The following KHDRBS2 variants were observed in gnomAD, a reference collection of about 807,000 sequenced individuals.
KHDRBS2 encodes the protein KH domain-containing, RNA-binding, signal transduction-associated protein 2.
Under a neutral mutation model 44.3 loss-of-function variants are expected in KHDRBS2, and 26 were observed. The ratio of observed to expected loss-of-function variants is 0.59; its 90% CI spans 0.43 to 0.81. The LOEUF (loss-of-function observed/expected upper bound fraction) is 0.81, where lower values mean the gene tolerates loss of function less well. KHDRBS2 is among the 40% of genes least tolerant of loss of function. KHDRBS2 has a pLI of 0.00. For missense variants in KHDRBS2, 476 were observed against 433.1 expected (o/e 1.10, Z -0.88); for synonymous variants, 194 against 151.1 (o/e 1.28, Z -2.08).
At chr6:62,240,179 A>C (rs939433939) in intron 1 of KHDRBS2, among the ~76,000 whole-genome samples, 1 of 152,082 alleles carries the variant, frequency 6.6e-6, no homozygotes, top group Non-Finnish European at 1.5e-5. Context: ...TTATAATCCA[A>C]TATTGGTTTA....
At chr6:61,723,878 C>T (rs146056979) in intron 7 of KHDRBS2, among the ~76,000 whole-genome samples, 3,765 of 152,158 alleles carry the variant, frequency 0.025, 75 homozygotes, top group Middle Eastern at 0.082. Context: ...GAGAATGGAA[C>T]GAAGTTGTAA....
chr6:62,031,443 C>G (rs1784320865), intron 3 of KHDRBS2, among the ~76,000 whole-genome samples: 1 of 152,008 alleles, frequency 6.6e-6, no homozygotes, highest in African/African-American at 2.4e-5. Context: ...AAGTGAATTC[C>G]TGAGATCCCC....
intron 4 of KHDRBS2, among the ~76,000 whole-genome samples, chr6:61,932,019 T>C (rs183110876): frequency 6.6e-6 from 1 of 152,318 alleles, no homozygotes; most frequent in Admixed American, 6.5e-5. Context: ...ATTGTAAGAA[T>C]ACAATATATA....
At chr6:61,764,609 T>G (rs942687398) in intron 6 of KHDRBS2, among the ~76,000 whole-genome samples, 1 of 152,362 alleles carries the variant, frequency 6.6e-6, no homozygotes, top group African/African-American at 2.4e-5. Flanking sequence ...GGTTTCGATT[T>G]GCATTTCTCT....
intron 1 of KHDRBS2, among the ~76,000 whole-genome samples, chr6:62,203,449 A>G (rs1441254978): frequency 6.6e-6 from 1 of 152,132 alleles, no homozygotes; most frequent in Non-Finnish European, 1.5e-5. Flanking sequence ...AAAGAGGAAT[A>G]TATAATAAAA....
At chr6:62,084,798 ACCC>A (rs1012436214) in intron 2 of KHDRBS2, among the ~76,000 whole-genome samples, 5 of 152,156 alleles carry the variant, frequency 3.3e-5, no homozygotes, top group Admixed American at 3.3e-4. Flanking sequence ...TGAGAAAAGT[ACCC>A]CCAAGAAATA....
Position 62,047,860 on chromosome 6 carries a change from A to G in KHDRBS2, c.336+18T>C. On this transcript the variant is annotated intron_variant, in intron 3 of 8. Transcript: ENST00000281156. ...TAACCTCCTGAATGTGGTAAATATT[A>G]GATTCAAAGTTCAGTACCTTAGCTT... 6.7e-7 allele frequency: 1 copy of G among 1,491,636 alleles called. No individual in the cohort carries two copies. Among genetic ancestry groups the G allele is most frequent in the Non-Finnish European group, 9.4e-7 (1 of 1,068,832 alleles). The allele number at this position is 1,491,636 out of a possible 1,614,324, so 92.4% of individuals were successfully genotyped here. A position where few individuals can be genotyped will look rare whatever the true frequency, so the allele number is the denominator to read the frequency against.
chr6:62,058,379 A>T (rs1790791904), intron 2 of KHDRBS2, among the ~76,000 whole-genome samples: 1 of 151,946 alleles, frequency 6.6e-6, no homozygotes, highest in Admixed American at 6.6e-5. Context: ...TTGGAATGTT[A>T]CTTTCACGTC....
intron 6 of KHDRBS2, among the ~76,000 whole-genome samples, chr6:61,869,170 A>G (rs551967804): frequency 6.6e-6 from 1 of 152,158 alleles, no homozygotes; most frequent in East Asian, 1.9e-4. Context: ...TGTTTTCCTG[A>G]TCAATCTCAG....
intron 4 of KHDRBS2, among the ~76,000 whole-genome samples, chr6:61,941,619 T>C (rs1186060445): frequency 6.6e-6 from 1 of 151,848 alleles, no homozygotes; most frequent in Non-Finnish European, 1.5e-5. Flanking sequence ...CAATAACTGC[T>C]CCCTAAGCCA....
At chr6:61,672,743 T>A in the KHDRBS2 span, among the ~76,000 whole-genome samples, 2 of 151,728 alleles carry the variant, frequency 1.3e-5, no homozygotes, top group Non-Finnish European at 2.9e-5. Context: ...ATTCTGGATA[T>A]TAGCCCTTTG....
rs549394364 is a variant in KHDRBS2 at position 62,073,258 on chromosome 6, A to C, written c.220-25264T>G. Among the ~76,000 whole-genome samples the C allele has an allele frequency of 2.6e-5, 4 of 151,650 alleles. No homozygotes were observed. The South Asian group carries it at 8.3e-4, about 32-fold the overall frequency. On this transcript the variant is annotated intron_variant, in intron 2 of 8. Coordinates refer to ENST00000281156, the MANE Select transcript of KHDRBS2 (RefSeq NM_152688.4). Reference sequence around the variant, plus strand: ...CTGTACATGTCATAGTTCTATACAGATTTTCTATTTTTTCTTCAGTCAGTT... The same window carrying C: ...CTGTACATGTCATAGTTCTATACAGCTTTTCTATTTTTTCTTCAGTCAGTT...
chr6:61,918,691 G>T (rs1807477536), intron 4 of KHDRBS2, among the ~76,000 whole-genome samples: 1 of 151,948 alleles, frequency 6.6e-6, no homozygotes, highest in Non-Finnish European at 1.5e-5. Flanking sequence ...GGCTGTATGG[G>T]TGCTATTCTG....
intron 2 of KHDRBS2, among the ~76,000 whole-genome samples, chr6:62,094,644 T>G (rs1186232883): frequency 6.6e-6 from 1 of 151,978 alleles, no homozygotes; most frequent in Non-Finnish European, 1.5e-5. Context: ...CCTAGGCCAA[T>G]GTCATGGAGC....
chr6:62,222,421 T>G (rs1397517564), intron 1 of KHDRBS2, among the ~76,000 whole-genome samples: 1 of 152,014 alleles, frequency 6.6e-6, no homozygotes, highest in Non-Finnish European at 1.5e-5. Flanking sequence ...TACATGGCAG[T>G]GGCAAGAGAA....
At chr6:62,022,700 T>C (rs1402384532) in intron 3 of KHDRBS2, among the ~76,000 whole-genome samples, 2 of 151,716 alleles carry the variant, frequency 1.3e-5, no homozygotes, top group East Asian at 3.9e-4. Context: ...AAACTTACCA[T>C]AAAAAACATT....
chr6:61,972,273 T>C (rs1771591392), intron 4 of KHDRBS2, among the ~76,000 whole-genome samples: 1 of 152,228 alleles, frequency 6.6e-6, no homozygotes. Flanking sequence ...TTCTTACTAT[T>C]ATTCTATTCT....
chr6:61,649,334 A>T, the KHDRBS2 span, among the ~76,000 whole-genome samples: 7 of 152,170 alleles, frequency 4.6e-5, no homozygotes. Context: ...CCAGATTTTA[A>T]ATGGCTAAAA....
chr6:62,138,891 T>A (rs1377231825), intron 2 of KHDRBS2, among the ~76,000 whole-genome samples: 2 of 152,244 alleles, frequency 1.3e-5, no homozygotes, highest in African/African-American at 4.8e-5. Flanking sequence ...TGCATGTTTT[T>A]AAAGTAAGAG....
Sources: gnomAD v4.1 joint callset for allele counts (sites outside exome capture counted in the v4.1 genomes callset) on GRCh38, gnomAD v4.1.1 for gene constraint, MANE v1.5 for transcripts, NCBI Gene and HGNC (gene_info 2026-07-23, HGNC 2026-07-21) for gene names.